Variants in WDR90 observed in about 807,000 individuals in gnomAD.
The protein encoded by WDR90 is WD repeat domain 90.
Under a neutral mutation model 195.2 loss-of-function variants are expected in WDR90, and 238 were observed. That is an observed-to-expected ratio of 1.22 (90% CI 1.10 to 1.36). The LOEUF (loss-of-function observed/expected upper bound fraction) is 1.36. Among genes scored for constraint, WDR90 ranks in the 40% most tolerant of loss-of-function variants. WDR90 has a pLI of 0.00. For synonymous variants in WDR90, 1,265 were observed against 1,052.4 expected (o/e 1.20, Z -3.91); for missense variants, 2,734 against 2,439.5 (o/e 1.12, Z -2.54).
chr16:659,826 C>T (rs11248942), intron 26 of WDR90, among the ~76,000 whole-genome samples: 36,746 of 152,174 alleles, frequency 0.24, 5,592 homozygotes, highest in East Asian at 0.69. Flanking sequence ...AGGGCAGGGA[C>T]GCTGGTGCCG....
intron 29 of WDR90, 22 bp downstream of exon 29, chr16:661,194 C>G: frequency 6.5e-7 from 1 of 1,528,190 alleles, no homozygotes; most frequent in Non-Finnish European, 8.8e-7. Flanking sequence ...CATCGCCCTC[C>G]TCCTCTCCCA....
Position 660,092 on chromosome 16 carries a change from C to T in WDR90, c.3219C>T (p.Arg1073=), listed in dbSNP as rs755071904. The change falls in exon 27 of 41, where the codon CGC becomes CGT. Residue 1073 remains arginine (R), a synonymous_variant. Coordinates refer to ENST00000293879, the MANE Select transcript of WDR90 (RefSeq NM_145294.5). ...ACACCAGGAATTCGGGGGCCCCACG[C>T]ACCACCTACCTGGCTTCCTGCAAGG... The part of the protein sequence containing the change: ...ARDTRNSGAP[R]TTYLASCKAF... 5.4e-5 allele frequency: 83 copies of T among 1,548,222 alleles called. No homozygotes were observed. The highest frequency in any genetic ancestry group is 3.4e-4 in the Middle Eastern group (2 of 5,940).
At position 655,558 on chromosome 16, in the gene WDR90, C is replaced by A. The variant is rs764943686; in HGVS notation, c.1719-15C>A. ...TCCCTGAGGGCCTCACCTTCCCTGC[C>A]GCCTCCTCGGGCAGCTTCGTGTGCA... On this transcript the variant is annotated splice_polypyrimidine_tract_variant and intron_variant, in intron 15 of 40. Transcript: ENST00000293879. 6.4e-7 allele frequency: 1 copy of A among 1,573,838 alleles called. No individual in the cohort carries two copies. The highest frequency in any genetic ancestry group is 8.6e-7 in the Non-Finnish European group (1 of 1,157,842).
chr16:650,558 C>T lies in WDR90; in HGVS notation c.408C>T (p.Pro136=), dbSNP rs1440703588. 3 of 1,610,720 alleles carry T rather than the reference C, an allele frequency of 1.9e-6. No individual in the cohort carries two copies. Among genetic ancestry groups the T allele is most frequent in the South Asian group, 1.1e-5 (1 of 91,024 alleles). ...CTGCAGATCTGGTGGGTTTGGCCCC[C>T]TCCGGAGCCCGCTGGACCTGCCTGC... is the stretch of plus-strand genomic sequence containing the variant. ...TPQRDLVGLA[P]SGARWTCLQL... The change falls in exon 5 of 41, where the codon CCC becomes CCT. Residue 136 remains proline, a synonymous_variant. Transcript: ENST00000293879.
In WDR90 at chr16:656,435, C is replaced by A. The variant is rs371484576; in HGVS notation, c.2100C>A (p.Thr700=). Residue 700 remains threonine, a synonymous_variant, in exon 18 of 41, where the codon ACC becomes ACA. Coordinates refer to ENST00000293879, the MANE Select transcript of WDR90 (RefSeq NM_145294.5). ...RVYHMLARSH[T]APVLALAMEQ... Reference sequence around the variant, plus strand: ...ACCACATGCTGGCTCGCTCCCACACCGCCCCGGTGTTGGCCCTCGCCATGG... The same window carrying A: ...ACCACATGCTGGCTCGCTCCCACACAGCCCCGGTGTTGGCCCTCGCCATGG... 1 of 1,602,508 alleles carries A rather than the reference C, an allele frequency of 6.2e-7. No individual in the cohort carries two copies. Among genetic ancestry groups the A allele is most frequent in the Non-Finnish European group, 8.5e-7 (1 of 1,177,352 alleles).
Position 655,987 on chromosome 16 carries a change from T to A in WDR90, c.1966+98T>A, listed in dbSNP as rs368327676. On this transcript the variant is annotated intron_variant, in intron 17 of 40. Transcript: ENST00000293879. ...CCCGGGGCTCTGCTGTCAGCCGCCC[T>A]GGCTCCTGGCTGCACAGGGTGCCAC... The A allele has an allele frequency of 8.5e-5, 115 of 1,359,718 alleles. 1 individual carries two copies. In the South Asian group the frequency reaches 1.3e-3, roughly 16 times the overall value. 84.2% of individuals were successfully genotyped at this position (1,359,718 alleles called of 1,614,324 possible). A position where few individuals can be genotyped will look rare whatever the true frequency, so the allele number is the denominator to read the frequency against.
intron 13 of WDR90, chr16:654,223 G>A (rs2037700821): frequency 1.0e-5 from 2 of 200,566 alleles, no homozygotes; most frequent in South Asian, 2.1e-4. Flanking sequence ...AGAGAGCCTT[G>A]TTCTGTCACC....
rs747659846 is a variant in WDR90 at position 666,913 on chromosome 16, G to A, written c.5013G>A (p.Glu1671=). ...ACGCTGGCTGCTCACAGGTGGTGGA[G>A]AAGATACCACTGCCCTTTTTTGCCA... ...IYNLCQKQVV[E]KIPLPFFAMS... The change falls in exon 40 of 41, where the codon GAG becomes GAA. Residue 1671 remains glutamate, a synonymous_variant. Coordinates refer to ENST00000293879, the MANE Select transcript of WDR90 (RefSeq NM_145294.5). The A allele has an allele frequency of 5.6e-6, 9 of 1,612,876 alleles. No individual in the cohort carries two copies. Among genetic ancestry groups the A allele is most frequent in the African/African-American group, 2.7e-5 (2 of 74,736 alleles).
chr16:666,164 C>G, intron 36 of WDR90, 40 bp downstream of exon 36: 3 of 1,606,384 alleles, frequency 1.9e-6, no homozygotes, highest in Non-Finnish European at 2.6e-6. Flanking sequence ...CCGTCCTGAC[C>G]TGGCCCAGGT....
In WDR90 at chr16:651,635, C is replaced by T. The variant is rs2037647931; in HGVS notation, c.737-9C>T. On this transcript the variant is annotated splice_polypyrimidine_tract_variant and intron_variant, in intron 7 of 40. Transcript: ENST00000293879. The stretch of plus-strand genomic sequence containing the variant: ...CCCTGGGTCACTGGGGTTCTTTGCT[C>T]TGTTCTAGTCCTCCTGGGGCCGGGG... The T allele has an allele frequency of 6.2e-7, 1 of 1,611,656 alleles. No individual in the cohort carries two copies. The highest frequency in any genetic ancestry group is 8.5e-7 in the Non-Finnish European group (1 of 1,179,646).
chr16:651,757 C>T lies in WDR90; in HGVS notation c.840+10C>T. On this transcript the variant is annotated intron_variant, in intron 8 of 40. Transcript: ENST00000293879. ...GCCCAGCCCCACAGCCGTGAGTACC[C>T]CCTTCGCCCTATGAGATGGGGTTGG... 6.2e-7 allele frequency: 1 copy of T among 1,613,020 alleles called. No individual in the cohort carries two copies. Among genetic ancestry groups the T allele is most frequent in the Non-Finnish European group, 8.5e-7 (1 of 1,179,982 alleles).
At chr16:651,314 C>T (rs759775790) in intron 7 of WDR90, 48 bp downstream of exon 7, 36 of 1,595,142 alleles carry the variant, frequency 2.3e-5, no homozygotes, top group Non-Finnish European at 1.4e-5. Context: ...CTGTAGGGTG[C>T]GTGGGGCTCG....
At chr16:651,540 C>G in intron 7 of WDR90, 104 bp from the exon 8 acceptor site, 1 of 1,156,960 alleles carries the variant, frequency 8.6e-7, no homozygotes, top group Non-Finnish European at 1.2e-6. Context: ...TCCTGCAGAG[C>G]CGGTGAGGCT....
Position 660,153 on chromosome 16 carries a change from T to G in WDR90, c.3280T>G (p.Ser1094Ala). Residue 1094 changes from serine to alanine, a missense_variant, in exon 27 of 41, where the codon TCT becomes GCT. Ser to Ala is a moderately conservative substitution (Grantham distance 99). Transcript: ENST00000293879. Reference sequence around the variant, plus strand: ...TGCCAGGGTCAGCTGCAGCCCCCACTCTGCCAAGGTGGGGAGTGGTTTCTG... The same window carrying G: ...TGCCAGGGTCAGCTGCAGCCCCCACGCTGCCAAGGTGGGGAGTGGTTTCTG... Reference protein sequence around the residue: ...TPARVSCSPHSAKGTCPPPAS... With the variant: ...TPARVSCSPHAAKGTCPPPAS... 1 of 1,530,302 alleles carries G rather than the reference T, an allele frequency of 6.5e-7. No individual in the cohort carries two copies. Among genetic ancestry groups the G allele is most frequent in the Non-Finnish European group, 8.8e-7 (1 of 1,133,890 alleles). 94.8% of individuals were successfully genotyped at this position (1,530,302 alleles called of 1,614,324 possible).
chr16:662,785 TG>T lies in WDR90; in HGVS notation c.4254del (p.Trp1418CysfsTer21). 2 of 1,606,600 alleles carry T rather than the reference TG, an allele frequency of 1.2e-6. No homozygotes were observed. Among genetic ancestry groups the T allele is most frequent in the Non-Finnish European group, 1.7e-6 (2 of 1,176,728 alleles). On this transcript the variant is annotated frameshift_variant, in exon 34 of 41. Coordinates refer to ENST00000293879, the MANE Select transcript of WDR90 (RefSeq NM_145294.5). LOFTEE classifies it high-confidence loss of function. ...CGTGGGCACCACGGCGGGCACGCTG[TG>T]GTTTGTCAGCTGGGCCGAGGGCACC... The part of the protein sequence containing the change: ...GVVGTTAGTL[W>X]FVSWAEGTST...
At chr16:651,529 G>T (rs902995727) in intron 7 of WDR90, 115 bp from the exon 8 acceptor site, 1 of 1,091,424 alleles carries the variant, frequency 9.2e-7, no homozygotes. Flanking sequence ...CTGGCTGTGG[G>T]TCCTGCAGAG....
At position 661,902 on chromosome 16, in the gene WDR90, G is replaced by A. The variant is rs2037924739; in HGVS notation, c.3876G>A (p.Glu1292=). The change falls in exon 32 of 41, where the codon GAG becomes GAA. Residue 1292 remains glutamate, a synonymous_variant. Coordinates refer to ENST00000293879, the MANE Select transcript of WDR90 (RefSeq NM_145294.5). ...GADISLQVRR[E]PVPEAVGAGE... is the part of the protein sequence containing the mutation. ...TCATACTTTGCCAGGTGCGTCGAGA[G>A]CCAGTCCCAGAGGCAGTGGGGGCTG... The A allele has an allele frequency of 3.7e-6, 6 of 1,609,650 alleles. No homozygotes were observed. In the East Asian group the frequency reaches 1.3e-4, roughly 36 times the overall value.
chr16:651,981 C>T lies in WDR90; in HGVS notation c.995C>T (p.Thr332Ile), dbSNP rs771071169. ...GACATCCACACGGCTGCTGCCGGCA[C>T]CCACGTGTTGACTCACGAGTCGGCT... ...ASDIHTAAAG[T>I]HVLTHESAEV... The change falls in exon 9 of 41, where the codon ACC becomes ATC. Residue 332 changes from threonine (T) to isoleucine (I), a missense_variant. By Grantham distance (89) the Thr-to-Ile change is moderately conservative (BLOSUM62 -1). Coordinates refer to ENST00000293879, the MANE Select transcript of WDR90 (RefSeq NM_145294.5). 3.1e-6 allele frequency: 5 copies of T among 1,606,878 alleles called. No homozygotes were observed. The South Asian group carries it at 3.3e-5, about 11-fold the overall frequency.
chr16:655,629 T>C lies in WDR90; in HGVS notation c.1775T>C (p.Val592Ala). 6.2e-6 allele frequency: 10 copies of C among 1,609,040 alleles called. No individual in the cohort carries two copies. The highest frequency in any genetic ancestry group is 1.3e-5 in the African/African-American group (1 of 74,960). ...GAGATTGACTGTCAGCGCATGGTCG[T>C]GCGGCATGCCCGCCGCCTGCTCCCC... ...ILEIDCQRMVVRHARRLLPTR... is the reference protein window; with the variant it reads ...ILEIDCQRMVARHARRLLPTR... Residue 592 changes from valine (V) to alanine (A), a missense_variant, in exon 16 of 41, where the codon GTG becomes GCG. Val to Ala is a moderately conservative substitution (Grantham distance 64). Transcript: ENST00000293879.
Sources: allele counts gnomAD v4.1 joint callset (sites outside exome capture counted in the v4.1 genomes callset), GRCh38; gene constraint gnomAD v4.1.1; transcripts MANE v1.5; gene names NCBI Gene and HGNC (gene_info 2026-07-23, HGNC 2026-07-21).